Variants in ZBTB37 observed in about 807,000 individuals in gnomAD.
The protein encoded by ZBTB37 is zinc finger and BTB domain-containing protein 37.
ZBTB37 carries 15 observed loss-of-function variants against 37.7 expected under a neutral mutation model. That is an observed-to-expected ratio of 0.40 (90% confidence interval 0.27 to 0.61). The LOEUF is 0.61. Ranked by LOEUF, ZBTB37 falls within the 20% of genes least tolerant of loss-of-function variation. The pLI is 0.44. For synonymous variants in ZBTB37, 231 were observed against 220.6 expected (o/e 1.05, Z -0.42); for missense variants, 514 against 641.9 (o/e 0.80, Z 2.15).
intron 4 of ZBTB37, among the ~76,000 whole-genome samples, chr1:173,879,230 T>A (rs538966607): frequency 1.8e-4 from 27 of 152,222 alleles, no homozygotes; most frequent in Middle Eastern, 3.4e-3. Context: ...AATCCAGCAG[T>A]GTCTTAAGGG....
chr1:173,885,823 G>A (rs1275422749), exon 5 of ZBTB37: 2 of 1,551,748 alleles, frequency 1.3e-6, no homozygotes, highest in Non-Finnish European at 1.7e-6. Context: ...TTCGTCTGCC[G>A]CATGTGTGGC....
chr1:173,869,838 T>C (rs918499605), intron 2 of ZBTB37, among the ~76,000 whole-genome samples: 2 of 152,214 alleles, frequency 1.3e-5, no homozygotes, highest in Non-Finnish European at 2.9e-5. Context: ...TGTAAAGTTA[T>C]GAGATGTTAT....
chr1:173,894,293 A>C (rs1364962795), exon 4 of ZBTB37: 1 of 152,124 alleles, frequency 6.6e-6, no homozygotes, highest in Admixed American at 6.5e-5. Context: ...ACCATTTCCT[A>C]TATCATGGTT....
exon 4 of ZBTB37, chr1:173,902,099 A>G (rs1366148594): frequency 2.0e-5 from 3 of 152,226 alleles, no homozygotes; most frequent in African/African-American, 7.2e-5. Context: ...CTCTATGGGA[A>G]ACTCTTGGGT....
At chr1:173,883,532 C>A (rs1385987153) in intron 4 of ZBTB37, among the ~76,000 whole-genome samples, 2 of 152,156 alleles carry the variant, frequency 1.3e-5, no homozygotes, top group Non-Finnish European at 2.9e-5. Context: ...CTAAAGCTGG[C>A]AAATCATGTG....
chr1:173,889,158 C>A (rs1436135794), downstream of ZBTB37: 9 of 152,146 alleles, frequency 5.9e-5, no homozygotes, highest in African/African-American at 2.2e-4. Context: ...TCAGCTTTTT[C>A]GTTAAAAGAG....
exon 4 of ZBTB37, chr1:173,897,956 C>A (rs1657113443): frequency 6.6e-6 from 1 of 152,166 alleles, no homozygotes; most frequent in African/African-American, 2.4e-5. Context: ...TTTTCTCTCT[C>A]TGTCTCCTAC....
intron 4 of ZBTB37, among the ~76,000 whole-genome samples, chr1:173,881,098 T>TC (rs1171558275): frequency 6.6e-6 from 1 of 151,612 alleles, no homozygotes; most frequent in Admixed American, 6.6e-5. Flanking sequence ...ATGCTATCCC[T>TC]CCCCCCTCCT....
intron 3 of ZBTB37, 71 bp downstream of exon 3, chr1:173,871,219 G>A: frequency 7.3e-7 from 1 of 1,362,202 alleles, no homozygotes; most frequent in Non-Finnish European, 9.8e-7. Context: ...GTCCTCTGTA[G>A]TACAGAGAGC....
At chr1:173,902,419 T>G (rs949320968) in exon 4 of ZBTB37, 1 of 152,260 alleles carries the variant, frequency 6.6e-6, no homozygotes, top group Non-Finnish European at 1.5e-5. Context: ...CCTACCAGTC[T>G]GTTTTTTCCC....
Position 173,886,481 on chromosome 1 carries a change from C to G in ZBTB37, c.*357C>G, listed in dbSNP as rs576413825. Reference sequence around the variant, plus strand: ...AACACTGTACTTTGGTCCATATCATCTTGGTGGCTATAATTGCCCGGATCT... The same window carrying G: ...AACACTGTACTTTGGTCCATATCATGTTGGTGGCTATAATTGCCCGGATCT... On this transcript the variant is annotated 3_prime_UTR_variant, in exon 5 of 5. Coordinates refer to ENST00000427304, the Ensembl canonical transcript of ZBTB37. The G allele has an allele frequency of 2.7e-5, 5 of 185,652 alleles. No individual in the cohort carries two copies. The South Asian group carries it at 6.2e-4, about 23-fold the overall frequency. 11.5% of individuals were successfully genotyped at this position (185,652 alleles called of 1,614,324 possible). A position where few individuals can be genotyped will look rare whatever the true frequency, so the allele number is the denominator to read the frequency against.
downstream of ZBTB37, chr1:173,889,390 T>C (rs1256287746): frequency 6.6e-6 from 1 of 152,246 alleles, no homozygotes; most frequent in Non-Finnish European, 1.5e-5. Flanking sequence ...AACTTGCACG[T>C]GTTACCTTGT....
At chr1:173,895,768 GT>G (rs1296548390) in exon 4 of ZBTB37, 2 of 152,074 alleles carry the variant, frequency 1.3e-5, no homozygotes, top group Non-Finnish European at 2.9e-5. Context: ...GATCATTGAA[GT>G]TTTTTGATTT....
intron 4 of ZBTB37, among the ~76,000 whole-genome samples, chr1:173,875,155 T>TGTGC: frequency 7.4e-6 from 1 of 135,222 alleles, no homozygotes; most frequent in African/African-American, 2.6e-5. Context: ...TGTGTGTGTG[T>TGTGC]GTGTGCACGT....
chr1:173,885,251 G>T (rs1656561017), intron 4 of ZBTB37, among the ~76,000 whole-genome samples: 1 of 152,130 alleles, frequency 6.6e-6, no homozygotes, highest in Non-Finnish European at 1.5e-5. Flanking sequence ...AAAACAGATA[G>T]TTCTGTTAGA....
At chr1:173,901,320 A>T (rs1657249139) in exon 4 of ZBTB37, 1 of 151,812 alleles carries the variant, frequency 6.6e-6, no homozygotes, top group Non-Finnish European at 1.5e-5. Context: ...GTTTTAGCAC[A>T]TTGCATTATT....
At chr1:173,894,075 T>C (rs951661232) in exon 4 of ZBTB37, 1 of 152,350 alleles carries the variant, frequency 6.6e-6, no homozygotes, top group East Asian at 1.9e-4. Context: ...TAGAAGGTTC[T>C]TCAAAAGCTG....
chr1:173,895,905 T>C (rs770885742), exon 4 of ZBTB37: 7 of 152,096 alleles, frequency 4.6e-5, no homozygotes, highest in Non-Finnish European at 7.3e-5. Context: ...GAACCCCAAA[T>C]CAATACACTT....
downstream of ZBTB37, chr1:173,890,623 G>C (rs1397090008): frequency 2.6e-5 from 4 of 152,112 alleles, no homozygotes; most frequent in Non-Finnish European, 4.4e-5. Context: ...GCAATTGTCG[G>C]GCAAATCCCT....
Sources: gnomAD v4.1 joint callset for allele counts (sites outside exome capture counted in the v4.1 genomes callset) on GRCh38, gnomAD v4.1.1 for gene constraint, MANE v1.5 for transcripts, NCBI Gene and HGNC (gene_info 2026-07-23, HGNC 2026-07-21) for gene names.